The following ASIC2 variants were observed in gnomAD, a reference collection of about 807,000 sequenced individuals.
ASIC2 encodes acid sensing ion channel subunit 2.
A neutral mutation model predicts 57.3 loss-of-function variants in ASIC2; 25 were observed. The observed-to-expected ratio is 0.44, with a 90% CI of 0.32 to 0.61. ASIC2 has a LOEUF of 0.61. ASIC2 is among the 20% of genes least tolerant of loss of function. The probability of loss-of-function intolerance (pLI) is 0.06; values close to 1 mark genes in which losing one functional copy is unlikely to be tolerated. For missense variants in ASIC2, 641 were observed against 738.1 expected (o/e 0.87, Z 1.52); for synonymous variants, 319 against 307.5 (o/e 1.04, Z -0.39).
rs538201271 is a variant in ASIC2 at position 33,043,322 on chromosome 17, C to T, written c.988-14930G>A. 2.6e-5 allele frequency among the ~76,000 whole-genome samples: 4 copies of T among 152,348 alleles called. No individual in the cohort carries two copies. In the East Asian group the frequency reaches 5.8e-4, roughly 22 times the overall value. On this transcript the variant is annotated intron_variant, in intron 3 of 9. Transcript: ENST00000225823. ...AAAGCAAGTTGGTCTGACCACAAGG[C>T]TACTGGCTGGGGGTCAGGGGACATC... is the stretch of plus-strand genomic sequence containing the variant.
intron 1 of ASIC2, among the ~76,000 whole-genome samples, chr17:33,734,347 G>A (rs967906051): frequency 6.6e-6 from 1 of 152,110 alleles, no homozygotes; most frequent in African/African-American, 2.4e-5. Context: ...TCCCACGTGA[G>A]GTCGAACCTT....
chr17:33,317,344 C>T (rs1906697921), intron 1 of ASIC2, among the ~76,000 whole-genome samples: 1 of 152,232 alleles, frequency 6.6e-6, no homozygotes, highest in Non-Finnish European at 1.5e-5. Context: ...CTCCAAAATG[C>T]TCTCCTGCGA....
intron 1 of ASIC2, among the ~76,000 whole-genome samples, chr17:33,918,844 G>A (rs988547310): frequency 6.6e-6 from 1 of 152,220 alleles, no homozygotes; most frequent in Non-Finnish European, 1.5e-5. Context: ...CAATGCTACT[G>A]TACATGAGTC....
chr17:33,957,546 T>G (rs2141989437), intron 1 of ASIC2, among the ~76,000 whole-genome samples: 1 of 152,268 alleles, frequency 6.6e-6, no homozygotes. Flanking sequence ...AGAGAGTGTG[T>G]GCAGGGGAAC....
intron 1 of ASIC2, among the ~76,000 whole-genome samples, chr17:33,219,402 G>A (rs1203000328): frequency 6.6e-6 from 1 of 152,112 alleles, no homozygotes; most frequent in African/African-American, 2.4e-5. Flanking sequence ...ATAAATAACA[G>A]CCCCAATACA....
intron 1 of ASIC2, among the ~76,000 whole-genome samples, chr17:33,115,739 A>G (rs1390869157): frequency 1.3e-5 from 2 of 152,238 alleles, no homozygotes; most frequent in African/African-American, 4.8e-5. Context: ...AGTGTCTATC[A>G]AAGTGTGTAA....
chr17:33,975,365 T>G (rs2142000751), intron 1 of ASIC2, among the ~76,000 whole-genome samples: 1 of 152,182 alleles, frequency 6.6e-6, no homozygotes, highest in South Asian at 2.1e-4. Context: ...ATCTTCGCCC[T>G]CTATCTTCCT....
At chr17:33,286,853 AC>A (rs1178028957) in intron 1 of ASIC2, among the ~76,000 whole-genome samples, 4 of 151,864 alleles carry the variant, frequency 2.6e-5, no homozygotes, top group Admixed American at 1.3e-4. Flanking sequence ...TTAATTTTAT[AC>A]CCCCCAGCAG....
At chr17:33,340,221 C>A (rs574488020) in intron 1 of ASIC2, among the ~76,000 whole-genome samples, 3 of 152,084 alleles carry the variant, frequency 2.0e-5, no homozygotes, top group Admixed American at 6.5e-5. Flanking sequence ...TGCCTTTAGT[C>A]TCTTGGAGCA....
chr17:33,017,641 G>T lies in ASIC2; in HGVS notation c.1485C>A (p.Ile495=). Residue 495 remains isoleucine (I), a synonymous_variant, in exon 8 of 10, where the codon ATC becomes ATA. Coordinates refer to ENST00000225823, the MANE Select transcript of ASIC2 (RefSeq NM_183377.2). ...AATCAAAGAGCTCTAGTATTGTAAG[G>T]ATACTAGCACCAATGAACAATCCCA... is the stretch of plus-strand genomic sequence containing the variant. The part of the protein sequence containing the change: ...GQMGLFIGAS[I]LTILELFDYI... The T allele has an allele frequency of 6.2e-7, 1 of 1,613,722 alleles. No individual in the cohort carries two copies. The highest frequency in any genetic ancestry group is 8.5e-7 in the Non-Finnish European group (1 of 1,179,652).
chr17:33,860,518 G>T (rs769840821), intron 1 of ASIC2, among the ~76,000 whole-genome samples: 1 of 152,154 alleles, frequency 6.6e-6, no homozygotes, highest in Non-Finnish European at 1.5e-5. Context: ...CTTTCCAATG[G>T]TTGACTTTTC....
At chr17:34,105,325 A>G (rs1911005526) in intron 1 of ASIC2, among the ~76,000 whole-genome samples, 1 of 151,928 alleles carries the variant, frequency 6.6e-6, no homozygotes, top group Non-Finnish European at 1.5e-5. Flanking sequence ...ATTATACTAT[A>G]GATAACTTGT....
intron 1 of ASIC2, among the ~76,000 whole-genome samples, chr17:33,632,958 C>A (rs934109330): frequency 6.6e-6 from 1 of 152,194 alleles, no homozygotes; most frequent in African/African-American, 2.4e-5. Flanking sequence ...GAGCAGAAAG[C>A]CCTGGATTAC....
Position 34,009,076 on chromosome 17 carries a change from C to CT in ASIC2, c.555+146901dup, listed in dbSNP as rs111858942. ...AATGCAAATATTTAGCACAGTCCAC[C>CT]TTTTTTTTTTTCCCAGCCCACCATT... is the stretch of plus-strand genomic sequence containing the variant. On this transcript the variant is annotated intron_variant, in intron 1 of 9. Coordinates refer to the ASIC2 transcript ENST00000359872. Among the ~76,000 whole-genome samples the CT allele has an allele frequency of 5.0e-3, 735 of 147,074 alleles. 9 individuals are homozygous for CT. The highest frequency in any genetic ancestry group is 0.016 in the African/African-American group (643 of 40,334).
At chr17:33,465,173 G>C (rs2141915433) in intron 1 of ASIC2, among the ~76,000 whole-genome samples, 1 of 152,244 alleles carries the variant, frequency 6.6e-6, no homozygotes, top group Middle Eastern at 3.4e-3. Context: ...TCCCCTGGCT[G>C]TTTTTGTTAG....
In ASIC2 at chr17:33,712,636, C is replaced by CTTT. The variant is rs60673332; in HGVS notation, c.555+443339_555+443341dup. Among the ~76,000 whole-genome samples, 128 of 63,636 alleles carry CTTT rather than the reference C, an allele frequency of 2.0e-3. 13 individuals carry two copies. The highest frequency in any genetic ancestry group is 6.5e-3 in the African/African-American group (113 of 17,328). 41.7% of individuals were successfully genotyped at this position (63,636 alleles called of 152,430 possible). On this transcript the variant is annotated intron_variant, in intron 1 of 9. Coordinates refer to the ASIC2 transcript ENST00000359872. The stretch of plus-strand genomic sequence containing the variant: ...TTTGCTTCCAAGCTTACTCATATGG[C>CTTT]TTTTTTTTTTTTTTTTTTTTTTTTT...
intron 1 of ASIC2, among the ~76,000 whole-genome samples, chr17:33,188,694 T>G (rs1309404147): frequency 6.6e-6 from 1 of 152,120 alleles, no homozygotes; most frequent in African/African-American, 2.4e-5. Flanking sequence ...TAACCTAAAA[T>G]TATATATCTG....
rs565921109 is a variant in ASIC2 at position 33,447,041 on chromosome 17, G to A, written c.556-334974C>T. Reference sequence around the variant, plus strand: ...GCCCTTCCTGCTGCAGACGCTTTGAGCCTGAGAATAACAGCTAAACAAATT... The same window carrying A: ...GCCCTTCCTGCTGCAGACGCTTTGAACCTGAGAATAACAGCTAAACAAATT... On this transcript the variant is annotated intron_variant, in intron 1 of 9. Transcript: ENST00000359872. Among the ~76,000 whole-genome samples the A allele has an allele frequency of 5.3e-5, 8 of 152,312 alleles. No individual in the cohort carries two copies. The East Asian group carries it at 1.3e-3, about 26-fold the overall frequency.
At chr17:33,678,607 A>G (rs1193254945) in intron 1 of ASIC2, among the ~76,000 whole-genome samples, 1 of 152,076 alleles carries the variant, frequency 6.6e-6, no homozygotes, top group Non-Finnish European at 1.5e-5. Flanking sequence ...ATATTCTCCC[A>G]AGACTGTCTG....
Sources: allele counts gnomAD v4.1 joint callset (sites outside exome capture counted in the v4.1 genomes callset), GRCh38; gene constraint gnomAD v4.1.1; transcripts MANE v1.5; gene names NCBI Gene and HGNC (gene_info 2026-07-23, HGNC 2026-07-21).